Variants in GABRG3 observed in about 807,000 individuals in gnomAD.
The protein encoded by GABRG3 is gamma-aminobutyric acid receptor subunit gamma-3.
GABRG3 carries 25 observed loss-of-function variants against 48.8 expected under a neutral mutation model. That is an observed-to-expected ratio of 0.51 (90% CI 0.37 to 0.72). The LOEUF (loss-of-function observed/expected upper bound fraction) is 0.72. Ranked by LOEUF, GABRG3 falls within the 30% of genes least tolerant of loss-of-function variation. GABRG3 has a pLI of 0.00. For synonymous variants in GABRG3, 227 were observed against 217.6 expected (o/e 1.04, Z -0.38); for missense variants, 394 against 577.9 (o/e 0.68, Z 3.26).
rs923233347 is a variant in GABRG3, at chr15:27,193,206, G to A, written c.271-133603G>A. 6.6e-5 allele frequency among the ~76,000 whole-genome samples: 10 copies of A among 152,354 alleles called. 1 individual carries two copies. The highest frequency in any genetic ancestry group is 8.8e-5 in the Non-Finnish European group (6 of 68,034). On this transcript the variant is annotated intron_variant, in intron 3 of 9. Transcript: ENST00000615808. ...TGAGGAGGCAGTCTGCCCGTTCTCA[G>A]ATCTCCAGCTGCGTGCTGGGAGAAC...
intron 3 of GABRG3, among the ~76,000 whole-genome samples, chr15:27,252,501 T>A (rs1890491510): frequency 1.3e-5 from 2 of 152,212 alleles, no homozygotes; most frequent in Admixed American, 6.5e-5. Context: ...GGTCAGAACA[T>A]GATGCATCCG....
At chr15:27,316,457 C>T (rs1456372614) in intron 3 of GABRG3, among the ~76,000 whole-genome samples, 1 of 148,670 alleles carries the variant, frequency 6.7e-6, no homozygotes, top group African/African-American at 2.5e-5. Context: ...ATGTGTCTTT[C>T]TTGACACCAT....
chr15:27,444,629 T>G (rs1243556756), intron 5 of GABRG3, among the ~76,000 whole-genome samples: 2 of 152,214 alleles, frequency 1.3e-5, no homozygotes, highest in Non-Finnish European at 2.9e-5. Flanking sequence ...CTTTTTAATA[T>G]ATCTAATATG....
In GABRG3 at chr15:27,310,907, TGG is replaced by T. The variant is rs1566777127; in HGVS notation, c.271-15901_271-15900del. Among the ~76,000 whole-genome samples, 5 of 152,276 alleles carry T rather than the reference TGG, an allele frequency of 3.3e-5. No homozygotes were observed. In the East Asian group the frequency reaches 9.6e-4, roughly 29 times the overall value. On this transcript the variant is annotated intron_variant, in intron 3 of 9. Coordinates refer to ENST00000615808, the MANE Select transcript of GABRG3 (RefSeq NM_033223.5). ...TGTGAATGAATAGTGTTGGAGTAAT[TGG>T]ATGCTCTTATGAGAAGAAAAGAAAA...
chr15:27,346,125 A>T (rs1408386028), intron 5 of GABRG3, among the ~76,000 whole-genome samples: 1 of 142,110 alleles, frequency 7.0e-6, no homozygotes, highest in African/African-American at 2.6e-5. Context: ...AAAGAAAGAG[A>T]AAGAAAGAAA....
chr15:27,057,634 G>A (rs922548948), intron 3 of GABRG3, among the ~76,000 whole-genome samples: 2 of 152,098 alleles, frequency 1.3e-5, no homozygotes, highest in African/African-American at 4.8e-5. Flanking sequence ...CTGGCCGCCA[G>A]GTCACCCTCG....
chr15:27,091,372 T>G, intron 3 of GABRG3, among the ~76,000 whole-genome samples: 1 of 152,324 alleles, frequency 6.6e-6, no homozygotes, highest in South Asian at 2.1e-4. Context: ...CTGGATTCAG[T>G]TTGCTAGCAT....
chr15:27,063,535 C>G (rs1402474662), intron 3 of GABRG3, among the ~76,000 whole-genome samples: 1 of 152,214 alleles, frequency 6.6e-6, no homozygotes, highest in East Asian at 1.9e-4. Flanking sequence ...TTGCTCTGCC[C>G]TGACCATGTG....
chr15:26,984,219 G>T (rs1157519481), intron 2 of GABRG3, among the ~76,000 whole-genome samples: 1 of 152,040 alleles, frequency 6.6e-6, no homozygotes, highest in Non-Finnish European at 1.5e-5. Flanking sequence ...CTGAGGACTG[G>T]TCTTTTTTTT....
rs1339877641 is a variant in GABRG3, at chr15:27,536,278, C to A, written c.*3397C>A. Reference sequence around the variant, plus strand: ...AAAGTCCCAACACCACCTACCAGAACAGAGACTCCCTACATACCAGACAGA... The same window carrying A: ...AAAGTCCCAACACCACCTACCAGAAAAGAGACTCCCTACATACCAGACAGA... On this transcript the variant is annotated 3_prime_UTR_variant, in exon 10 of 10. Coordinates refer to ENST00000615808, the MANE Select transcript of GABRG3 (RefSeq NM_033223.5). 1 of 152,170 alleles carries A rather than the reference C, an allele frequency of 6.6e-6. No individual in the cohort carries two copies. The highest frequency in any genetic ancestry group is 1.9e-4 in the East Asian group (1 of 5,184). 9.4% of individuals were successfully genotyped at this position (152,170 alleles called of 1,614,324 possible). A position where few individuals can be genotyped will look rare whatever the true frequency, so the allele number is the denominator to read the frequency against.
Position 26,977,943 on chromosome 15 carries a change from A to G in GABRG3, c.202+793A>G, listed in dbSNP as rs143415700. Among the ~76,000 whole-genome samples, 884 of 152,302 alleles carry G rather than the reference A, an allele frequency of 5.8e-3. 39 individuals carry two copies. The highest frequency in any genetic ancestry group is 0.052 in the Admixed American group (801 of 15,282). ...ACACTATTTTTCGTTTCCCCCAGCA[A>G]TATCTGAGAGATCCAGTTTCTTTGT... On this transcript the variant is annotated intron_variant, in intron 2 of 9. Coordinates refer to ENST00000615808, the MANE Select transcript of GABRG3 (RefSeq NM_033223.5).
intron 3 of GABRG3, among the ~76,000 whole-genome samples, chr15:27,049,965 ATGT>A (rs1482460834): frequency 6.6e-6 from 1 of 152,190 alleles, no homozygotes; most frequent in African/African-American, 2.4e-5. Context: ...AATGCCTGTG[ATGT>A]TGTCTGAAAT....
intron 3 of GABRG3, among the ~76,000 whole-genome samples, chr15:27,212,635 T>C (rs1329332631): frequency 6.6e-6 from 1 of 152,202 alleles, no homozygotes. Context: ...GTGAAGCACA[T>C]TCACGTTGTC....
In GABRG3 at chr15:27,233,668, C is replaced by T. The variant is rs182912823; in HGVS notation, c.271-93141C>T. Among the ~76,000 whole-genome samples, 5 of 152,232 alleles carry T rather than the reference C, an allele frequency of 3.3e-5. No homozygotes were observed. The East Asian group carries it at 5.8e-4, about 18-fold the overall frequency. ...CCTTGGGGAGTCGACTTTCAACACA[C>T]GAATTTTGGGAGGACACGAACATTT... is the stretch of plus-strand genomic sequence containing the variant. On this transcript the variant is annotated intron_variant, in intron 3 of 9. Coordinates refer to ENST00000615808, the MANE Select transcript of GABRG3 (RefSeq NM_033223.5).
intron 5 of GABRG3, among the ~76,000 whole-genome samples, chr15:27,410,860 G>A (rs1368935066): frequency 1.1e-4 from 17 of 151,280 alleles, no homozygotes; most frequent in South Asian, 4.2e-4. Flanking sequence ...GTGTGTGTGT[G>A]TGTGTGTGTG....
chr15:27,003,828 C>T (rs573764081), intron 2 of GABRG3, among the ~76,000 whole-genome samples: 16 of 143,282 alleles, frequency 1.1e-4, no homozygotes, highest in African/African-American at 3.4e-4. Context: ...ACCTCCAGGA[C>T]GGGGTGGCTG....
chr15:27,424,537 C>T (rs901163909), intron 5 of GABRG3, among the ~76,000 whole-genome samples: 1 of 151,118 alleles, frequency 6.6e-6, no homozygotes, highest in Non-Finnish European at 1.5e-5. Context: ...ACTTAATCAC[C>T]TCCTAAGGTT....
intron 5 of GABRG3, among the ~76,000 whole-genome samples, chr15:27,478,022 G>A (rs1338410587): frequency 6.6e-6 from 1 of 150,952 alleles, no homozygotes; most frequent in Admixed American, 6.6e-5. Context: ...TCCACAGCCT[G>A]GGTGACAGAG....
intron 3 of GABRG3, among the ~76,000 whole-genome samples, chr15:27,289,482 G>C (rs1383874529): frequency 6.6e-6 from 1 of 152,092 alleles, no homozygotes; most frequent in Non-Finnish European, 1.5e-5. Flanking sequence ...ATTTACAAAT[G>C]AAACAATCTC....
Sources: gnomAD v4.1 joint callset for allele counts (sites outside exome capture counted in the v4.1 genomes callset) on GRCh38, gnomAD v4.1.1 for gene constraint, MANE v1.5 for transcripts, NCBI Gene and HGNC (gene_info 2026-07-23, HGNC 2026-07-21) for gene names.